The following BBS9 variants were observed in gnomAD, a reference collection of about 807,000 sequenced individuals.
The protein encoded by BBS9 is Bardet-Biedl syndrome 9.
Under a neutral mutation model 117.7 loss-of-function variants are expected in BBS9, and 89 were observed. The observed-to-expected ratio is 0.76, with a 90% CI of 0.64 to 0.90. The LOEUF is 0.90. Among genes scored for constraint, BBS9 ranks in the 40% least tolerant of loss-of-function variants. The pLI is 0.00. For synonymous variants in BBS9, 379 were observed against 370.9 expected (o/e 1.02, Z -0.25); for missense variants, 982 against 1,042.2 (o/e 0.94, Z 0.80).
intron 1 of BBS9, among the ~76,000 whole-genome samples, chr7:33,131,761 G>A (rs981422368): frequency 2.0e-5 from 3 of 152,080 alleles, no homozygotes; most frequent in African/African-American, 7.2e-5. Flanking sequence ...CCTCGTCTTT[G>A]CCGAGCATGG....
At chr7:33,354,679 A>T (rs1023454440) in intron 15 of BBS9, among the ~76,000 whole-genome samples, 16 of 151,410 alleles carry the variant, frequency 1.1e-4, no homozygotes, top group African/African-American at 3.9e-4. Context: ...TTTTTCCTTT[A>T]TTTCTTTAAA....
chr7:33,225,344 C>T (rs978826296), intron 5 of BBS9, among the ~76,000 whole-genome samples: 3 of 152,108 alleles, frequency 2.0e-5, no homozygotes, highest in Admixed American at 1.3e-4. Flanking sequence ...ACCACTGGTA[C>T]CTGCTACCAT....
chr7:33,571,943 A>G (rs1857870850), intron 21 of BBS9, among the ~76,000 whole-genome samples: 1 of 152,082 alleles, frequency 6.6e-6, no homozygotes, highest in Admixed American at 6.6e-5. Flanking sequence ...TTAGGAACAT[A>G]TCAATTCCAC....
In BBS9 at chr7:33,184,463, G is replaced by A. The variant is rs190864497; in HGVS notation, c.442+6872G>A. 4.1e-3 allele frequency among the ~76,000 whole-genome samples: 622 copies of A among 152,280 alleles called. 4 individuals are homozygous for A. Among genetic ancestry groups the A allele is most frequent in the African/African-American group, 0.014 (595 of 41,554 alleles). On this transcript the variant is annotated intron_variant, in intron 5 of 22. Transcript: ENST00000242067. Reference sequence around the variant, plus strand: ...TTTTAACCAAGAGATTTTACTGAGAGGGGCCTCTAACCGCCTAAATCTTAA... The same window carrying A: ...TTTTAACCAAGAGATTTTACTGAGAAGGGCCTCTAACCGCCTAAATCTTAA...
At chr7:33,331,750 G>T (rs1278469618) in intron 9 of BBS9, among the ~76,000 whole-genome samples, 1 of 150,342 alleles carries the variant, frequency 6.7e-6, no homozygotes, top group Non-Finnish European at 1.5e-5. Context: ...AACCAATGAG[G>T]TGAAAGAGCT....
intron 5 of BBS9, among the ~76,000 whole-genome samples, chr7:33,225,699 CTT>C (rs72137184): frequency 4.6e-5 from 6 of 131,272 alleles, no homozygotes; most frequent in East Asian, 2.2e-4. Context: ...GAGCTTGGTT[CTT>C]TTTTTTTTTT....
chr7:33,283,732 C>T (rs1010455152), intron 9 of BBS9, among the ~76,000 whole-genome samples: 3 of 152,160 alleles, frequency 2.0e-5, no homozygotes, highest in South Asian at 4.1e-4. Context: ...AATTTCCACA[C>T]ATACATCTCT....
Position 33,174,235 on chromosome 7 carries a change from G to C in BBS9, c.329-3243G>C, listed in dbSNP as rs191596088. 5.2e-3 allele frequency among the ~76,000 whole-genome samples: 790 copies of C among 152,298 alleles called. 9 individuals carry two copies. The highest frequency in any genetic ancestry group is 0.018 in the African/African-American group (746 of 41,562). On this transcript the variant is annotated intron_variant, in intron 4 of 22. Coordinates refer to ENST00000242067, the MANE Select transcript of BBS9 (RefSeq NM_198428.3). ...AGAGAACTTACCATGATCCCCAGTT[G>C]CTGTGAGAGAGCAATGGACACAATA... is the stretch of plus-strand genomic sequence containing the variant.
chr7:33,140,324 G>T (rs966363547), intron 1 of BBS9, among the ~76,000 whole-genome samples: 1 of 151,926 alleles, frequency 6.6e-6, no homozygotes, highest in Non-Finnish European at 1.5e-5. Flanking sequence ...GCACCCAGCC[G>T]GATTCCTCCT....
At chr7:33,293,673 G>A (rs905792763) in intron 9 of BBS9, among the ~76,000 whole-genome samples, 25 of 152,084 alleles carry the variant, frequency 1.6e-4, no homozygotes, top group Admixed American at 1.2e-3. Context: ...TGTCTAAATA[G>A]GATTGTGTCT....
Position 33,561,142 on chromosome 7 carries a change from T to A in BBS9, c.2521+26966T>A, listed in dbSNP as rs151205564. ...GCAGTTCATTTTTCTAATCTACCAA[T>A]CTGTGTGATCTTAGTAAGCCACCTA... On this transcript the variant is annotated intron_variant, in intron 21 of 22. Transcript: ENST00000242067. 2.7e-3 allele frequency among the ~76,000 whole-genome samples: 409 copies of A among 152,274 alleles called. 1 individual carries two copies. The highest frequency in any genetic ancestry group is 4.6e-3 in the Non-Finnish European group (310 of 68,008).
chr7:33,457,364 T>A (rs1838798814), intron 19 of BBS9, among the ~76,000 whole-genome samples: 1 of 152,154 alleles, frequency 6.6e-6, no homozygotes, highest in African/African-American at 2.4e-5. Flanking sequence ...CTCTTAATAT[T>A]GAGAAATAGG....
intron 5 of BBS9, among the ~76,000 whole-genome samples, chr7:33,205,926 C>T (rs764507847): frequency 6.6e-6 from 1 of 152,152 alleles, no homozygotes; most frequent in Non-Finnish European, 1.5e-5. Context: ...ATAGCCCACT[C>T]AGCCATCTTT....
rs548176378 is a variant in BBS9 at position 33,367,362 on chromosome 7, T to A, written c.1694-405T>A. On this transcript the variant is annotated intron_variant, in intron 16 of 22. Transcript: ENST00000242067. Reference sequence around the variant, plus strand: ...TTGATGTGTTTTACTCCATTGCAATTATTATTTTCTTTGATACTCTAATAT... The same window carrying A: ...TTGATGTGTTTTACTCCATTGCAATAATTATTTTCTTTGATACTCTAATAT... Among the ~76,000 whole-genome samples the A allele has an allele frequency of 3.3e-5, 5 of 152,308 alleles. No individual in the cohort carries two copies. In the South Asian group the frequency reaches 1.0e-3, roughly 32 times the overall value.
intron 20 of BBS9, among the ~76,000 whole-genome samples, chr7:33,515,932 G>A (rs954361338): frequency 2.0e-5 from 3 of 152,130 alleles, no homozygotes; most frequent in Non-Finnish European, 4.4e-5. Flanking sequence ...ACCTTTCTGT[G>A]CACACAGTAA....
chr7:33,606,587 G>A (rs1864583030), downstream of BBS9, among the ~76,000 whole-genome samples: 1 of 152,154 alleles, frequency 6.6e-6, no homozygotes, highest in African/African-American at 2.4e-5. Flanking sequence ...ACTTTCCCCA[G>A]TGCTTAATGT....
At chr7:33,389,851 C>T (rs1294618320) in intron 19 of BBS9, among the ~76,000 whole-genome samples, 2 of 152,070 alleles carry the variant, frequency 1.3e-5, no homozygotes, top group Non-Finnish European at 1.5e-5. Context: ...TTGGCAATTC[C>T]CTTACCCTCC....
At chr7:33,402,510 C>A (rs1342098772) in intron 19 of BBS9, among the ~76,000 whole-genome samples, 1 of 152,166 alleles carries the variant, frequency 6.6e-6, no homozygotes, top group Non-Finnish European at 1.5e-5. Context: ...ACACCTAATC[C>A]TCACTCCCAC....
chr7:33,565,800 T>TAC (rs1433532892), intron 21 of BBS9, among the ~76,000 whole-genome samples: 1 of 42,724 alleles, frequency 2.3e-5, no homozygotes, highest in Non-Finnish European at 3.9e-5. Flanking sequence ...TATATATATA[T>TAC]ATATATATAT....
Sources: gnomAD v4.1 joint callset for allele counts (sites outside exome capture counted in the v4.1 genomes callset) on GRCh38, gnomAD v4.1.1 for gene constraint, MANE v1.5 for transcripts, NCBI Gene and HGNC (gene_info 2026-07-23, HGNC 2026-07-21) for gene names.